Variants in MED13L observed in about 807,000 individuals in gnomAD.
The protein encoded by MED13L is mediator of RNA polymerase II transcription subunit 13-like.
MED13L carries 7 observed loss-of-function variants against 220.9 expected under a neutral mutation model. That is an observed-to-expected ratio of 0.03 (90% CI 0.02 to 0.06). MED13L has a LOEUF of 0.06. Ranked by LOEUF, MED13L falls within the 10% of genes least tolerant of loss-of-function variation. MED13L has a pLI of 1.00. For missense variants in MED13L, 1,965 were observed against 2,760.5 expected (o/e 0.71, Z 6.46); for synonymous variants, 1,011 against 1,015.2 (o/e 1.00, Z 0.08).
chr12:116,205,944 T>TG (rs1423488154), intron 2 of MED13L, among the ~76,000 whole-genome samples: 51 of 56,048 alleles, frequency 9.1e-4, no homozygotes, highest in African/African-American at 3.8e-3. Flanking sequence ...AAAAACTTGT[T>TG]TTTTTTTTTT....
chr12:116,043,537 T>C (rs190287362), intron 4 of MED13L, among the ~76,000 whole-genome samples: 103 of 152,308 alleles, frequency 6.8e-4, no homozygotes, highest in African/African-American at 2.3e-3. Context: ...AGAAATCTAA[T>C]ACAAAAAGTA....
chr12:116,148,280 T>C (rs1459974102), intron 2 of MED13L, among the ~76,000 whole-genome samples: 1 of 151,766 alleles, frequency 6.6e-6, no homozygotes, highest in Non-Finnish European at 1.5e-5. Flanking sequence ...TACAATTATA[T>C]TTTGCTTTTA....
chr12:116,008,489 C>T lies in MED13L; in HGVS notation c.1924G>A (p.Asp642Asn). ...WWHSYRLPPS[D>N]DAEFRPPELQ... is the part of the protein sequence containing the mutation. ...TCTGGAGGCCTGAACTCAGCATCAT[C>T]ACTGGGTGGGAGACGATAACTATGC... Residue 642 changes from aspartate (D) to asparagine (N), a missense_variant, in exon 10 of 31, where the codon GAT (aspartate) becomes AAT (asparagine). Transcript: ENST00000281928. The T allele has an allele frequency of 6.2e-7, 1 of 1,613,730 alleles. No homozygotes were observed. The highest frequency in any genetic ancestry group is 8.5e-7 in the Non-Finnish European group (1 of 1,179,976).
intron 1 of MED13L, among the ~76,000 whole-genome samples, chr12:116,252,781 A>T (rs1433455411): frequency 6.6e-6 from 1 of 152,150 alleles, no homozygotes; most frequent in Non-Finnish European, 1.5e-5. Context: ...AGAGGGAAAG[A>T]ACAGACACAC....
intron 23 of MED13L, 114 bp from the exon 24 acceptor site, chr12:115,975,852 C>T (rs1876902006): frequency 4.6e-6 from 3 of 645,418 alleles, no homozygotes; most frequent in Admixed American, 2.6e-5. Context: ...TAAATCGTTT[C>T]TCTCTCTCTC....
intron 3 of MED13L, among the ~76,000 whole-genome samples, chr12:116,103,484 G>A (rs955592218): frequency 5.9e-5 from 9 of 151,978 alleles, no homozygotes; most frequent in African/African-American, 1.5e-4. Flanking sequence ...TGGGGGTCTC[G>A]CTTTGTTGCC....
At chr12:115,993,396 TATA>T (rs1330689968) in intron 16 of MED13L, among the ~76,000 whole-genome samples, 1 of 152,190 alleles carries the variant, frequency 6.6e-6, no homozygotes, top group Non-Finnish European at 1.5e-5. Context: ...TTCAGTTACT[TATA>T]ATGTGAAAGA....
chr12:115,961,528 T>C, intron 30 of MED13L, 130 bp from the exon 31 acceptor site: 2 of 1,269,672 alleles, frequency 1.6e-6, no homozygotes, highest in South Asian at 2.6e-5. Flanking sequence ...CCCAGGCTCT[T>C]TCCCTCATCC....
At chr12:116,057,764 G>A (rs542112106) in intron 4 of MED13L, among the ~76,000 whole-genome samples, 1 of 151,922 alleles carries the variant, frequency 6.6e-6, no homozygotes, top group African/African-American at 2.4e-5. Context: ...GATTCTCAGA[G>A]GTCAAAAAAT....
intron 4 of MED13L, among the ~76,000 whole-genome samples, chr12:116,031,700 G>T (rs1486382363): frequency 3.2e-5 from 1 of 30,772 alleles, no homozygotes; most frequent in Non-Finnish European, 8.1e-5. Flanking sequence ...GAAAAGAAAA[G>T]AAAAGAAAAG....
At chr12:116,040,786 AG>A (rs1874803933) in intron 4 of MED13L, among the ~76,000 whole-genome samples, 1 of 149,978 alleles carries the variant, frequency 6.7e-6, no homozygotes, top group Admixed American at 6.7e-5. Flanking sequence ...GTATATGTTT[AG>A]GAGTCCTCAA....
intron 2 of MED13L, among the ~76,000 whole-genome samples, chr12:116,126,051 T>G (rs923104376): frequency 1.3e-5 from 2 of 152,218 alleles, no homozygotes; most frequent in African/African-American, 4.8e-5. Context: ...TCAAAACTTT[T>G]AAGTTAAAAT....
chr12:116,072,214 A>G (rs1870430061), intron 4 of MED13L, among the ~76,000 whole-genome samples: 1 of 152,216 alleles, frequency 6.6e-6, no homozygotes, highest in African/African-American at 2.4e-5. Context: ...TTGCTTTTTG[A>G]GTCCAAAGAT....
intron 3 of MED13L, among the ~76,000 whole-genome samples, chr12:116,108,910 C>G (rs1269386238): frequency 1.3e-5 from 2 of 152,036 alleles, no homozygotes; most frequent in African/African-American, 4.8e-5. Context: ...CTAGCAAAAG[C>G]TCAAGGTACA....
Position 116,202,025 on chromosome 12 carries a change from T to C in MED13L, c.310+35443A>G, listed in dbSNP as rs535564668. Among the ~76,000 whole-genome samples the C allele has an allele frequency of 2.0e-5, 3 of 152,356 alleles. No individual in the cohort carries two copies. In the South Asian group the frequency reaches 6.2e-4, roughly 32 times the overall value. ...ACTAGCTTTACAAAACAGATGTTGCTGCCTATGCCATTTAATCAATTCAAG... is the reference window on the plus strand; with the variant it reads ...ACTAGCTTTACAAAACAGATGTTGCCGCCTATGCCATTTAATCAATTCAAG... On this transcript the variant is annotated intron_variant, in intron 2 of 30. Transcript: ENST00000281928.
intron 2 of MED13L, among the ~76,000 whole-genome samples, chr12:116,212,322 G>T (rs1043010190): frequency 4.6e-5 from 7 of 152,094 alleles, no homozygotes; most frequent in South Asian, 2.1e-4. Context: ...TATTAAAAAT[G>T]ATAATTAAGT....
chr12:116,209,914 C>T (rs1393270958), intron 2 of MED13L, among the ~76,000 whole-genome samples: 1 of 152,170 alleles, frequency 6.6e-6, no homozygotes, highest in Non-Finnish European at 1.5e-5. Context: ...CATGGCTTAA[C>T]CAAAATTGGG....
chr12:116,201,159 A>G (rs903500577), intron 2 of MED13L, among the ~76,000 whole-genome samples: 1 of 152,220 alleles, frequency 6.6e-6, no homozygotes, highest in Non-Finnish European at 1.5e-5. Flanking sequence ...GTCATATGAG[A>G]GTATCTATCT....
chr12:116,239,425 C>G (rs1214319085), intron 1 of MED13L, among the ~76,000 whole-genome samples: 1 of 152,078 alleles, frequency 6.6e-6, no homozygotes, highest in Non-Finnish European at 1.5e-5. Flanking sequence ...TATGTCCTTC[C>G]TCTTTTTCTG....
Sources: gnomAD v4.1 joint callset for allele counts (sites outside exome capture counted in the v4.1 genomes callset) on GRCh38, gnomAD v4.1.1 for gene constraint, MANE v1.5 for transcripts, NCBI Gene and HGNC (gene_info 2026-07-23, HGNC 2026-07-21) for gene names.